PKP1: variants seen among roughly 807,000 people sequenced by gnomAD.
The protein encoded by PKP1 is plakophilin 1, also known as plakophilin-1.
Under a neutral mutation model 76.4 loss-of-function variants are expected in PKP1, and 27 were observed. That is an observed-to-expected ratio of 0.35 (90% CI 0.26 to 0.49). The LOEUF (loss-of-function observed/expected upper bound fraction) is 0.49, where lower values mean the gene tolerates loss of function less well. PKP1 is among the 20% of genes least tolerant of loss of function. PKP1 has a pLI of 0.99. For missense variants in PKP1, 964 were observed against 955.2 expected (o/e 1.01, Z -0.12); for synonymous variants, 404 against 384.2 (o/e 1.05, Z -0.60).
intron 1 of PKP1, among the ~76,000 whole-genome samples, chr1:201,284,465 C>A (rs562358149): frequency 6.6e-6 from 1 of 152,150 alleles, no homozygotes; most frequent in Non-Finnish European, 1.5e-5. Context: ...TATCCGCGAG[C>A]GGGGTGAGGG....
At chr1:201,323,391 G>A (rs1460520946) in intron 9 of PKP1, among the ~76,000 whole-genome samples, 1 of 149,438 alleles carries the variant, frequency 6.7e-6, no homozygotes, top group East Asian at 2.0e-4. Flanking sequence ...ATGCAGAGAG[G>A]GTGGGCCCAC....
intron 6 of PKP1, chr1:201,319,921 G>A (rs1238808715): frequency 1.3e-6 from 2 of 1,593,436 alleles, no homozygotes; most frequent in African/African-American, 2.7e-5. Context: ...TTGCCACATG[G>A]AGCCATTGCC....
chr1:201,283,981 C>A (rs1008628019), intron 1 of PKP1, 77 bp downstream of exon 1: 172 of 1,334,510 alleles, frequency 1.3e-4, no homozygotes, highest in Non-Finnish European at 1.5e-4. Flanking sequence ...CCAAGAGACG[C>A]ACGCATCCCC....
chr1:201,303,495 T>C (rs1175824226), intron 2 of PKP1, among the ~76,000 whole-genome samples: 1 of 152,222 alleles, frequency 6.6e-6, no homozygotes, highest in Non-Finnish European at 1.5e-5. Flanking sequence ...CCGGTATCTT[T>C]TGCCACAAAT....
chr1:201,322,274 G>C, intron 8 of PKP1, 141 bp downstream of exon 8: 1 of 859,512 alleles, frequency 1.2e-6, no homozygotes, highest in Non-Finnish European at 1.8e-6. Flanking sequence ...ACCTTGGCCT[G>C]GGGCTCAGGG....
intron 2 of PKP1, among the ~76,000 whole-genome samples, chr1:201,294,475 C>A (rs773688630): frequency 7.9e-5 from 12 of 152,188 alleles, no homozygotes; most frequent in Non-Finnish European, 1.2e-4. Flanking sequence ...TGCATTGACT[C>A]CTGCATATGA....
At chr1:201,329,806 G>A (rs558910609) in intron 13 of PKP1, among the ~76,000 whole-genome samples, 7 of 152,302 alleles carry the variant, frequency 4.6e-5, no homozygotes, top group East Asian at 3.9e-4. Context: ...AAAGAGATTC[G>A]GTTTGGCAAA....
intron 11 of PKP1, 41 bp from the exon 12 acceptor site, chr1:201,325,713 C>T (rs1269043753): frequency 6.7e-7 from 1 of 1,491,086 alleles, no homozygotes; most frequent in Non-Finnish European, 9.4e-7. Context: ...TCTCACACCT[C>T]CTGGAATCTC....
At chr1:201,310,148 T>C (rs77610079) in intron 2 of PKP1, among the ~76,000 whole-genome samples, 4,903 of 152,234 alleles carry the variant, frequency 0.032, 287 homozygotes, top group African/African-American at 0.11. Flanking sequence ...ATCTCTCCTT[T>C]AGGAGCCAAG....
At chr1:201,317,364 ATGGGAGCTAGGATC>A (rs1295529310) in intron 4 of PKP1, among the ~76,000 whole-genome samples, 194 bp from the exon 5 acceptor site, 1 of 151,968 alleles carries the variant, frequency 6.6e-6, no homozygotes, top group Non-Finnish European at 1.5e-5. Flanking sequence ...GAGCTAGGAT[ATGGGAGCTAGGATC>A]TGAATCCAGG....
At chr1:201,294,146 T>G (rs986343437) in intron 2 of PKP1, 101 bp downstream of exon 2, 1 of 799,278 alleles carries the variant, frequency 1.3e-6, no homozygotes, top group African/African-American at 1.7e-5. Flanking sequence ...AAGAGTGATG[T>G]AGGCTTTGGT....
At chr1:201,326,417 G>T (rs1159594425) in intron 12 of PKP1, among the ~76,000 whole-genome samples, 1 of 152,226 alleles carries the variant, frequency 6.6e-6, no homozygotes, top group Non-Finnish European at 1.5e-5. Flanking sequence ...AGCTAGCCAG[G>T]TACAGAGTCC....
rs1452047151 is a variant in PKP1 at position 201,317,718 on chromosome 1, C to A, written c.993C>A (p.Ile331=). 6.2e-7 allele frequency: 1 copy of A among 1,613,950 alleles called. No homozygotes were observed. ...NKLETRRQNG[I]REAVSLLRRT... ...TGGAGACCCGGAGGCAGAATGGGAT[C>A]CGCGAGGCAGTCAGCCTCCTGAGGA... Residue 331 remains isoleucine (I), a synonymous_variant, in exon 5 of 14, where the codon ATC becomes ATA. Transcript: ENST00000367324.
rs116359276 is a variant in PKP1, at chr1:201,302,053, G to C, written c.306+8008G>C. ...CTTTCGAGCCTGTTTCAGCTGCGCT[G>C]TGTCCTCAGTCAGCTCTCAAGGGAG... On this transcript the variant is annotated intron_variant, in intron 2 of 13. Coordinates refer to ENST00000367324, the MANE Select transcript of PKP1 (RefSeq NM_001005337.3). Among the ~76,000 whole-genome samples the C allele has an allele frequency of 5.0e-3, 759 of 152,330 alleles. 6 individuals are homozygous for C. Among genetic ancestry groups the C allele is most frequent in the African/African-American group, 0.017 (725 of 41,564 alleles).
At chr1:201,326,625 AGGTGGGAGTAAGAGG>A (rs758159055) in intron 12 of PKP1, among the ~76,000 whole-genome samples, 4 of 152,244 alleles carry the variant, frequency 2.6e-5, no homozygotes, top group Non-Finnish European at 5.9e-5. Flanking sequence ...GAAGGCTTTT[AGGTGGGAGTAAGAGG>A]GGTCCCAATT....
chr1:201,326,032 G>C (rs1657118664), intron 12 of PKP1, among the ~76,000 whole-genome samples, 194 bp downstream of exon 12: 1 of 152,196 alleles, frequency 6.6e-6, no homozygotes, highest in South Asian at 2.1e-4. Flanking sequence ...TCTGAGATCT[G>C]CGAGGGATGC....
At chr1:201,326,459 T>C (rs1657129504) in intron 12 of PKP1, among the ~76,000 whole-genome samples, 1 of 152,234 alleles carries the variant, frequency 6.6e-6, no homozygotes, top group Admixed American at 6.5e-5. Flanking sequence ...GTATGACATC[T>C]TCACATGGCC....
At chr1:201,295,105 T>C (rs1656035513) in intron 2 of PKP1, among the ~76,000 whole-genome samples, 1 of 152,118 alleles carries the variant, frequency 6.6e-6, no homozygotes, top group South Asian at 2.1e-4. Flanking sequence ...TGGTGGGGCC[T>C]TAGGATGAAG....
At chr1:201,325,381 G>C (rs1442750153) in intron 11 of PKP1, among the ~76,000 whole-genome samples, 1 of 152,112 alleles carries the variant, frequency 6.6e-6, no homozygotes, top group African/African-American at 2.4e-5. Flanking sequence ...GGACTCGGGG[G>C]CACAAGGTCC....
Sources: gnomAD v4.1 joint callset for allele counts (sites outside exome capture counted in the v4.1 genomes callset) on GRCh38, gnomAD v4.1.1 for gene constraint, MANE v1.5 for transcripts, NCBI Gene and HGNC (gene_info 2026-07-23, HGNC 2026-07-21) for gene names.